RBKS: variants seen among roughly 807,000 people sequenced by gnomAD.
The protein encoded by RBKS is ribokinase.
A neutral mutation model predicts 33.9 loss-of-function variants in RBKS; 33 were observed. That is an observed-to-expected ratio of 0.97 (90% CI 0.74 to 1.30). The LOEUF is 1.30. RBKS is among the 50% of genes most tolerant of loss of function. The probability of loss-of-function intolerance (pLI) is 0.00; values close to 1 mark genes in which losing one functional copy is unlikely to be tolerated. For synonymous variants in RBKS, 125 were observed against 143.0 expected (o/e 0.87, Z 0.90); for missense variants, 361 against 392.6 (o/e 0.92, Z 0.68).
At chr2:27,782,443 C>T (rs1160685011) in intron 7 of RBKS, 1 of 231,394 alleles carries the variant, frequency 4.3e-6, no homozygotes, top group Non-Finnish European at 9.8e-6. Flanking sequence ...CTCAGCATCC[C>T]AAATGGTGGG....
chr2:27,782,891 C>G (rs976107562), intron 7 of RBKS, among the ~76,000 whole-genome samples: 1 of 152,132 alleles, frequency 6.6e-6, no homozygotes. Flanking sequence ...TATGCTCTAT[C>G]TCCTTAAGGG....
At chr2:27,862,649 C>T (rs115382269) in intron 1 of RBKS, among the ~76,000 whole-genome samples, 144 of 152,310 alleles carry the variant, frequency 9.5e-4, no homozygotes, top group African/African-American at 3.3e-3. Context: ...CCTTTGTATA[C>T]GCTCTTCCTT....
chr2:27,869,784 G>C (rs1437574770), intron 1 of RBKS: 3 of 163,732 alleles, frequency 1.8e-5, no homozygotes, highest in Non-Finnish European at 3.9e-5. Flanking sequence ...GAAGTGTGTT[G>C]TTTATGTCCA....
chr2:27,871,282 C>CA (rs1244606035), intron 1 of RBKS, among the ~76,000 whole-genome samples: 2 of 152,060 alleles, frequency 1.3e-5, no homozygotes, highest in Non-Finnish European at 2.9e-5. Context: ...AACAAACAAA[C>CA]AAAAAAACCC....
intron 7 of RBKS, among the ~76,000 whole-genome samples, chr2:27,820,033 T>C (rs1248836591): frequency 6.6e-6 from 1 of 152,164 alleles, no homozygotes; most frequent in Non-Finnish European, 1.5e-5. Flanking sequence ...CCCAGTTACA[T>C]GAAGATTATG....
Position 27,827,763 on chromosome 2 carries a change from A to C in RBKS, c.607-8T>G, listed in dbSNP as rs764133104. The C allele has an allele frequency of 2.1e-5, 33 of 1,567,288 alleles. No individual in the cohort carries two copies. In the East Asian group the frequency reaches 6.2e-4, roughly 30 times the overall value. On this transcript the variant is annotated splice_polypyrimidine_tract_variant and splice_region_variant and intron_variant, in intron 6 of 7. Transcript: ENST00000302188. ...GCCAGTTAAAATCTCAGCCTAGAAT[A>C]CACAAAAGTCAACAGAAACAGTGGT...
At chr2:27,878,668 T>A (rs894389660) in intron 1 of RBKS, among the ~76,000 whole-genome samples, 11 of 152,132 alleles carry the variant, frequency 7.2e-5, no homozygotes, top group Non-Finnish European at 1.2e-4. Flanking sequence ...GTGTTTCTAT[T>A]TCTCCACATC....
chr2:27,889,867 C>T (rs1480115434), intron 1 of RBKS: 1 of 190,110 alleles, frequency 5.3e-6, no homozygotes, highest in East Asian at 1.3e-4. Context: ...GTCCTCACAA[C>T]AACCCTGTGA....
chr2:27,842,615 C>T (rs943559097), intron 5 of RBKS, among the ~76,000 whole-genome samples: 1 of 151,956 alleles, frequency 6.6e-6, no homozygotes, highest in Non-Finnish European at 1.5e-5. Context: ...GAAAACATTT[C>T]ACCACCTAGA....
intron 2 of RBKS, among the ~76,000 whole-genome samples, chr2:27,852,335 T>C (rs747060591): frequency 6.6e-6 from 1 of 152,226 alleles, no homozygotes; most frequent in Non-Finnish European, 1.5e-5. Context: ...TATCCACATG[T>C]GGCTAGTGGC....
rs576069550 is a variant in RBKS at position 27,809,818 on chromosome 2, G to A, written c.795+17749C>T. 4.9e-5 allele frequency: 31 copies of A among 638,560 alleles called. No homozygotes were observed. The South Asian group carries it at 5.8e-4, about 12-fold the overall frequency. 39.6% of individuals were successfully genotyped at this position (638,560 alleles called of 1,614,324 possible). On this transcript the variant is annotated intron_variant, in intron 7 of 7. Coordinates refer to ENST00000302188, the MANE Select transcript of RBKS (RefSeq NM_022128.3). ...AGCTACCAGATTATTAAACAGCAAA[G>A]GCATTTCATAATATTAGCACCAACC...
intron 7 of RBKS, among the ~76,000 whole-genome samples, chr2:27,782,088 T>C (rs1368271804): frequency 6.6e-6 from 1 of 152,206 alleles, no homozygotes; most frequent in Non-Finnish European, 1.5e-5. Context: ...CCATATTACA[T>C]TTAATCGTCA....
intron 7 of RBKS, among the ~76,000 whole-genome samples, chr2:27,788,432 G>A (rs542396295): frequency 3.9e-5 from 6 of 152,272 alleles, no homozygotes; most frequent in East Asian, 3.9e-4. Context: ...GCAGCCAGGC[G>A]CGGTGGCTCA....
intron 7 of RBKS, among the ~76,000 whole-genome samples, chr2:27,789,784 C>T (rs113484351): frequency 6.0e-5 from 9 of 150,846 alleles, no homozygotes; most frequent in African/African-American, 1.7e-4. Context: ...AGCCTGATCT[C>T]GAGCTCCTGA....
rs565783494 is a variant in RBKS at position 27,785,796 on chromosome 2, C to T, written c.796-4008G>A. ...AAAAAGAAAGAAAGAAAATGTGTAA[C>T]GCTCTTTGATTCAACAATTTCAATC... On this transcript the variant is annotated intron_variant, in intron 7 of 7. Transcript: ENST00000302188. Among the ~76,000 whole-genome samples the T allele has an allele frequency of 2.5e-4, 38 of 151,786 alleles. No homozygotes were observed. In the South Asian group the frequency reaches 7.5e-3, roughly 30 times the overall value.
intron 6 of RBKS, 67 bp from the exon 7 acceptor site, chr2:27,827,822 G>A (rs980615175): frequency 6.1e-6 from 8 of 1,319,782 alleles, no homozygotes; most frequent in Non-Finnish European, 6.0e-6. Flanking sequence ...TTCCAGATGC[G>A]TTTTTCTAGA....
At chr2:27,864,896 A>C (rs1205731754) in intron 1 of RBKS, among the ~76,000 whole-genome samples, 1 of 152,180 alleles carries the variant, frequency 6.6e-6, no homozygotes, top group East Asian at 1.9e-4. Context: ...TTGCTTTGTA[A>C]ACAAATCCTC....
chr2:27,849,753 G>A (rs368447508), intron 2 of RBKS, among the ~76,000 whole-genome samples: 2 of 151,862 alleles, frequency 1.3e-5, no homozygotes. Flanking sequence ...CCCTGTTTTT[G>A]TCAGCATGAG....
chr2:27,844,722 TA>T (rs1663587865), intron 4 of RBKS, among the ~76,000 whole-genome samples: 1 of 152,326 alleles, frequency 6.6e-6, no homozygotes, highest in African/African-American at 2.4e-5. Context: ...TTACACACTG[TA>T]ATGATAATAT....
Sources: gnomAD v4.1 joint callset for allele counts (sites outside exome capture counted in the v4.1 genomes callset) on GRCh38, gnomAD v4.1.1 for gene constraint, MANE v1.5 for transcripts, NCBI Gene and HGNC (gene_info 2026-07-23, HGNC 2026-07-21) for gene names.